The following PPARGC1A variants were observed in gnomAD, a reference collection of about 807,000 sequenced individuals.
PPARGC1A encodes peroxisome proliferator-activated receptor gamma coactivator 1-alpha.
In PPARGC1A, 25 loss-of-function variants were observed where a neutral mutation model predicts 88.7. The ratio of observed to expected loss-of-function variants is 0.28; its 90% CI spans 0.21 to 0.39. The LOEUF is 0.39. Among genes scored for constraint, PPARGC1A ranks in the 10% least tolerant of loss-of-function variants. The pLI, the probability that PPARGC1A is intolerant of heterozygous loss-of-function variation, is 1.00. For missense variants in PPARGC1A, 880 were observed against 968.7 expected (o/e 0.91, Z 1.22); for synonymous variants, 363 against 355.6 (o/e 1.02, Z -0.24).
intron 2 of PPARGC1A, among the ~76,000 whole-genome samples, chr4:23,879,366 G>T (rs1417512733): frequency 6.6e-6 from 1 of 152,166 alleles, no homozygotes; most frequent in East Asian, 1.9e-4. Flanking sequence ...TGTGGATTGG[G>T]TTAAATATGT....
At chr4:24,379,735 C>CAT in the PPARGC1A span, among the ~76,000 whole-genome samples, 4 of 150,658 alleles carry the variant, frequency 2.7e-5, no homozygotes, top group African/African-American at 9.8e-5. Flanking sequence ...GAGTGGTGGG[C>CAT]ATATGTGTGG....
the PPARGC1A span, among the ~76,000 whole-genome samples, chr4:24,186,587 A>G: frequency 6.6e-6 from 1 of 152,160 alleles, no homozygotes; most frequent in Non-Finnish European, 1.5e-5. Flanking sequence ...GACTTAAAAC[A>G]GTGCCTGTCA....
At chr4:24,145,458 T>G in the PPARGC1A span, among the ~76,000 whole-genome samples, 1 of 152,202 alleles carries the variant, frequency 6.6e-6, no homozygotes, top group African/African-American at 2.4e-5. Flanking sequence ...CAACGTCACC[T>G]CATCAAACCC....
chr4:23,884,051 T>C (rs1293269959), intron 2 of PPARGC1A: 1 of 152,142 alleles, frequency 6.6e-6, no homozygotes, highest in Non-Finnish European at 1.5e-5. Flanking sequence ...TTCAAGTAAA[T>C]GAGTACTGAT....
At chr4:23,826,864 G>GA (rs918674721) in intron 5 of PPARGC1A, among the ~76,000 whole-genome samples, 290 of 146,022 alleles carry the variant, frequency 2.0e-3, no homozygotes, top group African/African-American at 5.8e-3. Context: ...TTTACTAAAA[G>GA]AAAAAAAAAA....
chr4:23,893,784 G>A (rs1299386169), upstream of PPARGC1A, among the ~76,000 whole-genome samples: 1 of 152,142 alleles, frequency 6.6e-6, no homozygotes, highest in African/African-American at 2.4e-5. Flanking sequence ...CCTCGGGAAT[G>A]TTTCCATATA....
chr4:24,256,237 A>G, the PPARGC1A span, among the ~76,000 whole-genome samples: 1 of 152,104 alleles, frequency 6.6e-6, no homozygotes, highest in South Asian at 2.1e-4. Flanking sequence ...GAAGGGAGGG[A>G]GTCTTGTTTC....
the PPARGC1A span, among the ~76,000 whole-genome samples, chr4:24,317,679 G>C: frequency 6.6e-6 from 1 of 150,856 alleles, no homozygotes; most frequent in Non-Finnish European, 1.5e-5. Context: ...ATCAGTTGTA[G>C]GGCTGGATTT....
chr4:23,915,846 T>G, the PPARGC1A span, among the ~76,000 whole-genome samples: 2 of 152,136 alleles, frequency 1.3e-5, no homozygotes, highest in Non-Finnish European at 2.9e-5. Context: ...AAATGTGTAG[T>G]GACAAGGGAA....
intron 2 of PPARGC1A, among the ~76,000 whole-genome samples, chr4:23,867,696 G>A (rs1712322649): frequency 6.6e-6 from 1 of 152,142 alleles, no homozygotes; most frequent in Non-Finnish European, 1.5e-5. Context: ...CACAACTTCT[G>A]AAAGATCTGA....
At chr4:23,914,356 T>C in the PPARGC1A span, among the ~76,000 whole-genome samples, 52 of 152,350 alleles carry the variant, frequency 3.4e-4, no homozygotes, top group Admixed American at 1.2e-3. Flanking sequence ...CAAATACTTA[T>C]TGATTACTTG....
chr4:24,209,410 T>C, the PPARGC1A span, among the ~76,000 whole-genome samples: 2 of 152,138 alleles, frequency 1.3e-5, no homozygotes, highest in East Asian at 1.9e-4. Context: ...CATTTGGCAA[T>C]ATGTGGAGAC....
chr4:23,903,954 A>G (rs1370202753), upstream of PPARGC1A: 8 of 847,694 alleles, frequency 9.4e-6, no homozygotes, highest in Non-Finnish European at 1.1e-5. Context: ...CAATAGCATA[A>G]AGCCTCCTAG....
the PPARGC1A span, among the ~76,000 whole-genome samples, chr4:24,362,679 G>A: frequency 4.7e-4 from 71 of 152,252 alleles, no homozygotes; most frequent in African/African-American, 1.6e-3. Context: ...ATGTCTAGAG[G>A]TTGTTTGCAA....
At chr4:23,806,367 A>G (rs1227150009) in intron 10 of PPARGC1A, among the ~76,000 whole-genome samples, 1 of 152,240 alleles carries the variant, frequency 6.6e-6, no homozygotes, top group Non-Finnish European at 1.5e-5. Flanking sequence ...TATTAGACAG[A>G]TGAATAGATT....
chr4:23,803,019 A>C (rs1487634075), intron 10 of PPARGC1A, among the ~76,000 whole-genome samples: 1 of 152,168 alleles, frequency 6.6e-6, no homozygotes, highest in East Asian at 1.9e-4. Context: ...TTGTGACTTG[A>C]TTATGAATCA....
the PPARGC1A span, among the ~76,000 whole-genome samples, chr4:24,337,984 C>T: frequency 6.6e-6 from 1 of 152,146 alleles, no homozygotes; most frequent in Non-Finnish European, 1.5e-5. Flanking sequence ...ACCTTCTGCT[C>T]CTTGTCATCC....
chr4:24,253,254 C>A, the PPARGC1A span, among the ~76,000 whole-genome samples: 2 of 136,500 alleles, frequency 1.5e-5, no homozygotes, highest in African/African-American at 2.5e-5. Context: ...AAGCAAAGTT[C>A]TTTTACTGCT....
At chr4:24,262,487 A>AT in the PPARGC1A span, among the ~76,000 whole-genome samples, 3 of 152,100 alleles carry the variant, frequency 2.0e-5, no homozygotes, top group East Asian at 1.9e-4. Context: ...GAACACATCA[A>AT]TTTTTTTAAC....
Sources: allele counts gnomAD v4.1 joint callset (sites outside exome capture counted in the v4.1 genomes callset), GRCh38; gene constraint gnomAD v4.1.1; transcripts MANE v1.5; gene names NCBI Gene and HGNC (gene_info 2026-07-23, HGNC 2026-07-21).